Variants in OXR1 observed in about 807,000 individuals in gnomAD.
The protein encoded by OXR1 is oxidation resistance 1, also known as oxidation resistance protein 1.
Under a neutral mutation model 104.6 loss-of-function variants are expected in OXR1, and 41 were observed. The ratio of observed to expected loss-of-function variants is 0.39; its 90% CI spans 0.31 to 0.51. The LOEUF (loss-of-function observed/expected upper bound fraction) is 0.51, where lower values mean the gene tolerates loss of function less well. Ranked by LOEUF, OXR1 falls within the 20% of genes least tolerant of loss-of-function variation. OXR1 has a pLI of 0.77. For synonymous variants in OXR1, 348 were observed against 348.4 expected (o/e 1.00, Z 0.01); for missense variants, 955 against 1,031.9 (o/e 0.93, Z 1.02).
At chr8:106,517,695 G>A (rs1812949323) in intron 2 of OXR1, among the ~76,000 whole-genome samples, 1 of 152,060 alleles carries the variant, frequency 6.6e-6, no homozygotes, top group Non-Finnish European at 1.5e-5. Flanking sequence ...TATTCCTCAG[G>A]ACTACTGCTG....
At chr8:106,554,831 T>C (rs1348493095) in intron 3 of OXR1, among the ~76,000 whole-genome samples, 3 of 152,192 alleles carry the variant, frequency 2.0e-5, no homozygotes, top group Non-Finnish European at 4.4e-5. Context: ...ATGCTCATTC[T>C]TAACCCCAGA....
At chr8:106,657,876 C>T in intron 3 of OXR1, 3 of 1,241,994 alleles carry the variant, frequency 2.4e-6, no homozygotes, top group Non-Finnish European at 3.0e-6. Context: ...GCGCGCGGAG[C>T]CGCCTCCCCT....
Position 106,334,086 on chromosome 8 carries a change from C to A in OXR1, c.-138-25390C>A, listed in dbSNP as rs138707646. Among the ~76,000 whole-genome samples the A allele has an allele frequency of 3.3e-5, 5 of 152,272 alleles. No homozygotes were observed. In the East Asian group the frequency reaches 9.6e-4, roughly 29 times the overall value. ...TACCATCTTCACAACATTAATTCTT[C>A]GAAACCATGAACATAAACATGTCTG... On this transcript the variant is annotated intron_variant, in intron 1 of 16. Transcript: ENST00000517566.
intron 2 of OXR1, among the ~76,000 whole-genome samples, chr8:106,371,960 T>C (rs1235154710): frequency 6.6e-6 from 1 of 152,182 alleles, no homozygotes; most frequent in Admixed American, 6.5e-5. Context: ...CTTAGCTTGT[T>C]AGGCAGTTGC....
intron 7 of OXR1, among the ~76,000 whole-genome samples, chr8:106,695,035 A>G (rs1272542607): frequency 1.4e-5 from 2 of 147,740 alleles, no homozygotes; most frequent in East Asian, 4.0e-4. Flanking sequence ...ATGCCACTTT[A>G]CATATAGTAC....
At chr8:106,704,627 A>G (rs1181507828) in intron 8 of OXR1, among the ~76,000 whole-genome samples, 1 of 151,418 alleles carries the variant, frequency 6.6e-6, no homozygotes, top group African/African-American at 2.4e-5. Context: ...CGAACCCCTG[A>G]CCTCAAGTGA....
chr8:106,684,437 C>T, intron 6 of OXR1, 78 bp downstream of exon 6: 2 of 727,830 alleles, frequency 2.7e-6, no homozygotes, highest in South Asian at 1.6e-5. Flanking sequence ...TTTTTACATT[C>T]CATTTTGACT....
intron 3 of OXR1, among the ~76,000 whole-genome samples, chr8:106,638,544 A>G (rs1433196138): frequency 6.6e-6 from 1 of 152,190 alleles, no homozygotes; most frequent in East Asian, 1.9e-4. Flanking sequence ...AAGTTCTAAG[A>G]TAACATTGAT....
At chr8:106,382,942 AC>A (rs1817216109) in intron 2 of OXR1, among the ~76,000 whole-genome samples, 1 of 151,012 alleles carries the variant, frequency 6.6e-6, no homozygotes, top group Admixed American at 6.6e-5. Context: ...GCCCTTAGCT[AC>A]TCTGATTTTG....
intron 2 of OXR1, among the ~76,000 whole-genome samples, chr8:106,479,955 T>A (rs984471167): frequency 6.6e-6 from 1 of 151,968 alleles, no homozygotes; most frequent in African/African-American, 2.4e-5. Context: ...TGTTTTCAGT[T>A]GTGAAGTTGG....
At chr8:106,333,345 C>T (rs7844818) in intron 1 of OXR1, among the ~76,000 whole-genome samples, 12,659 of 151,932 alleles carry the variant, frequency 0.083, 587 homozygotes, top group African/African-American at 0.12. Context: ...CTTTTTATTG[C>T]TGAGTTGTAA....
At chr8:106,501,770 G>A (rs941808635) in intron 2 of OXR1, among the ~76,000 whole-genome samples, 4 of 152,198 alleles carry the variant, frequency 2.6e-5, no homozygotes, top group African/African-American at 9.6e-5. Context: ...GCTTGGGACT[G>A]TCAGTGCTTT....
intron 3 of OXR1, among the ~76,000 whole-genome samples, chr8:106,526,607 A>G (rs1813687211): frequency 6.6e-6 from 1 of 152,230 alleles, no homozygotes; most frequent in Non-Finnish European, 1.5e-5. Flanking sequence ...CAGTGGCGCA[A>G]TCTCGGCTCG....
chr8:106,627,909 A>C (rs1463631734), intron 3 of OXR1, among the ~76,000 whole-genome samples: 1 of 152,168 alleles, frequency 6.6e-6, no homozygotes, highest in East Asian at 1.9e-4. Flanking sequence ...GTATGATTGC[A>C]CTTAGCAGAT....
At chr8:106,495,732 C>T (rs1390368588) in intron 2 of OXR1, among the ~76,000 whole-genome samples, 1 of 152,112 alleles carries the variant, frequency 6.6e-6, no homozygotes, top group African/African-American at 2.4e-5. Flanking sequence ...ATCCTTTCTG[C>T]ACCACAATCC....
intron 3 of OXR1, among the ~76,000 whole-genome samples, chr8:106,616,796 G>A (rs1821278014): frequency 6.6e-6 from 1 of 152,132 alleles, no homozygotes; most frequent in Non-Finnish European, 1.5e-5. Context: ...CGTGGTTTTT[G>A]ACAATTTGTT....
intron 3 of OXR1, among the ~76,000 whole-genome samples, chr8:106,530,596 A>G (rs551153158): frequency 6.6e-6 from 1 of 152,328 alleles, no homozygotes; most frequent in East Asian, 1.9e-4. Context: ...CTGGGGGGAG[A>G]ATCTTCTATT....
chr8:106,552,794 T>G (rs1174601160), intron 3 of OXR1, among the ~76,000 whole-genome samples: 1 of 152,210 alleles, frequency 6.6e-6, no homozygotes, highest in African/African-American at 2.4e-5. Flanking sequence ...GAAATGCAGT[T>G]AAGTTCATTT....
At chr8:106,381,219 A>G (rs1319907735) in intron 2 of OXR1, among the ~76,000 whole-genome samples, 1 of 152,204 alleles carries the variant, frequency 6.6e-6, no homozygotes, top group Non-Finnish European at 1.5e-5. Context: ...TATTGGTGAC[A>G]CAGTTTCTCA....
Sources: gnomAD v4.1 joint callset for allele counts (sites outside exome capture counted in the v4.1 genomes callset) on GRCh38, gnomAD v4.1.1 for gene constraint, MANE v1.5 for transcripts, NCBI Gene and HGNC (gene_info 2026-07-23, HGNC 2026-07-21) for gene names.